SLC4A8: variants seen among roughly 807,000 people sequenced by gnomAD.
The protein encoded by SLC4A8 is solute carrier family 4 member 8.
Under a neutral mutation model 125.0 loss-of-function variants are expected in SLC4A8, and 40 were observed. The ratio of observed to expected loss-of-function variants is 0.32; its 90% CI spans 0.25 to 0.42. The LOEUF (loss-of-function observed/expected upper bound fraction) is 0.42, where lower values mean the gene tolerates loss of function less well. Among genes scored for constraint, SLC4A8 ranks in the 10% least tolerant of loss-of-function variants. The pLI is 1.00. For synonymous variants in SLC4A8, 456 were observed against 476.0 expected (o/e 0.96, Z 0.55); for missense variants, 863 against 1,355.1 (o/e 0.64, Z 5.70).
chr12:51,457,440 C>A lies in SLC4A8; in HGVS notation c.664C>A (p.His222Asn). Residue 222 changes from histidine (H) to asparagine (N), a missense_variant, in exon 6 of 25, where the codon CAT (histidine) becomes AAT (asparagine). By Grantham distance (68) the His-to-Asn change is moderately conservative. Transcript: ENST00000453097. ...GGAAGCCCTTCTCAAAAAGCATCAT[C>A]ATCAGAATGAAAAGAAGAGAAACAA... ...VREALLKKHH[H>N]QNEKKRNNLI... 1 of 1,614,080 alleles carries A rather than the reference C, an allele frequency of 6.2e-7. No homozygotes were observed. Among genetic ancestry groups the A allele is most frequent in the Non-Finnish European group, 8.5e-7 (1 of 1,179,960 alleles).
intron 1 of SLC4A8, among the ~76,000 whole-genome samples, chr12:51,399,133 G>T (rs1237107340): frequency 1.3e-5 from 2 of 152,218 alleles, no homozygotes; most frequent in East Asian, 1.9e-4. Context: ...ACTTTGGATT[G>T]TAAGTAAAGG....
chr12:51,471,216 C>G, intron 13 of SLC4A8, 71 bp from the exon 14 acceptor site: 1 of 1,439,808 alleles, frequency 6.9e-7, no homozygotes, highest in Non-Finnish European at 9.5e-7. Context: ...AATGAATTAA[C>G]CACATTTCTG....
chr12:51,484,568 A>T (rs773868997), intron 16 of SLC4A8, among the ~76,000 whole-genome samples: 17 of 152,182 alleles, frequency 1.1e-4, no homozygotes, highest in Non-Finnish European at 2.4e-4. Context: ...AAAACCATGG[A>T]GGAGGAACTG....
intron 2 of SLC4A8, among the ~76,000 whole-genome samples, chr12:51,450,161 A>G (rs1467445534): frequency 6.6e-6 from 1 of 152,084 alleles, no homozygotes; most frequent in African/African-American, 2.4e-5. Context: ...CCTCCTCATG[A>G]CTTACAACTA....
intron 2 of SLC4A8, among the ~76,000 whole-genome samples, chr12:51,449,333 G>A (rs960184783): frequency 1.3e-5 from 2 of 152,038 alleles, no homozygotes; most frequent in African/African-American, 4.8e-5. Flanking sequence ...AGCTACATGG[G>A]AGGATCACTT....
At chr12:51,483,726 T>C (rs1388299095) in intron 16 of SLC4A8, among the ~76,000 whole-genome samples, 1 of 152,090 alleles carries the variant, frequency 6.6e-6, no homozygotes, top group Non-Finnish European at 1.5e-5. Flanking sequence ...AATGCGAAAA[T>C]TTTAACAGGG....
chr12:51,443,602 A>T (rs1340426733), intron 2 of SLC4A8, among the ~76,000 whole-genome samples: 1 of 152,082 alleles, frequency 6.6e-6, no homozygotes, highest in Non-Finnish European at 1.5e-5. Context: ...ATTATTCCTG[A>T]TTAACTACTA....
In SLC4A8 at chr12:51,493,766, AATTCAGGT is replaced by A; in HGVS notation, c.2767_2769+5del. On this transcript the variant is annotated splice_donor_variant and coding_sequence_variant, in exon 20 of 25. Transcript: ENST00000453097. LOFTEE classifies it high-confidence loss of function. ...ACATGGGAGTTTCTTCACTACAGGGAATTCAGGTATTGTATGGTTCAGCCAGGGCAGTT... is the reference window on the plus strand; with the variant it reads ...ACATGGGAGTTTCTTCACTACAGGGAATTGTATGGTTCAGCCAGGGCAGTT... The A allele has an allele frequency of 6.3e-7, 1 of 1,598,200 alleles. No individual in the cohort carries two copies. Among genetic ancestry groups the A allele is most frequent in the Non-Finnish European group, 8.6e-7 (1 of 1,165,488 alleles).
At chr12:51,474,656 C>T (rs557950401) in intron 15 of SLC4A8, 23 of 836,012 alleles carry the variant, frequency 2.8e-5, no homozygotes, top group South Asian at 4.3e-5. Flanking sequence ...TTTTCTCCCC[C>T]CTACATCCTA....
Position 51,508,387 on chromosome 12 carries a change from T to A in SLC4A8, c.*949T>A, listed in dbSNP as rs1055218007. 4.6e-5 allele frequency: 7 copies of A among 152,642 alleles called. No individual in the cohort carries two copies. Among genetic ancestry groups the A allele is most frequent in the Non-Finnish European group, 1.5e-5 (1 of 68,052 alleles). The allele number at this position is 152,642 out of a possible 1,614,324, so 9.5% of individuals were successfully genotyped here. ...TTTGTGAATAGAAAGGAGGATATGATGTTTTTATTGGCCATTTTGCGGGAC... is the reference window on the plus strand; with the variant it reads ...TTTGTGAATAGAAAGGAGGATATGAAGTTTTTATTGGCCATTTTGCGGGAC... On this transcript the variant is annotated 3_prime_UTR_variant, in exon 25 of 25. Transcript: ENST00000453097.
intron 15 of SLC4A8, 27 bp from the exon 16 acceptor site, chr12:51,475,018 C>A: frequency 6.2e-7 from 1 of 1,606,544 alleles, no homozygotes; most frequent in South Asian, 1.1e-5. Context: ...GTCTGCCTTT[C>A]ATCACCCAGA....
At chr12:51,429,783 A>T (rs1025811506) in intron 1 of SLC4A8, among the ~76,000 whole-genome samples, 15 of 151,980 alleles carry the variant, frequency 9.9e-5, no homozygotes, top group African/African-American at 3.6e-4. Context: ...TGCTGGGATT[A>T]TAGGCATGAC....
chr12:51,508,440 AG>A lies in SLC4A8; in HGVS notation c.*1004del, dbSNP rs3215169. The stretch of plus-strand genomic sequence containing the variant: ...TTCGACTTCTTGCTGCTGTCTCTTG[AG>A]GATACATTCCAATTCCATCCTGGCG... On this transcript the variant is annotated 3_prime_UTR_variant, in exon 25 of 25. Coordinates refer to ENST00000453097, the MANE Select transcript of SLC4A8 (RefSeq NM_001039960.3). 57,115 of 152,410 alleles carry A rather than the reference AG, an allele frequency of 0.37. 11,011 individuals are homozygous for A. Among genetic ancestry groups the A allele is most frequent in the East Asian group, 0.45 (2,321 of 5,164 alleles). The allele number at this position is 152,410 out of a possible 1,614,324, so 9.4% of individuals were successfully genotyped here.
In SLC4A8 at chr12:51,515,535, C is replaced by T. The variant is rs573222439; in HGVS notation, c.*8097C>T. ...ATATTTTTAGTGTAAGAAATGTACC[C>T]TCTCCACACTCCATGATGTAAATAG... On this transcript the variant is annotated 3_prime_UTR_variant, in exon 25 of 25. Coordinates refer to ENST00000453097, the MANE Select transcript of SLC4A8 (RefSeq NM_001039960.3). 6.6e-6 allele frequency: 1 copy of T among 152,216 alleles called. No individual in the cohort carries two copies. Among genetic ancestry groups the T allele is most frequent in the East Asian group, 1.9e-4 (1 of 5,190 alleles). 9.4% of individuals were successfully genotyped at this position (152,216 alleles called of 1,614,324 possible).
chr12:51,457,416 G>A lies in SLC4A8; in HGVS notation c.640G>A (p.Glu214Lys). The A allele has an allele frequency of 6.2e-7, 1 of 1,614,030 alleles. No homozygotes were observed. The highest frequency in any genetic ancestry group is 8.5e-7 in the Non-Finnish European group (1 of 1,179,930). Residue 214 changes from glutamate to lysine, a missense_variant, in exon 6 of 25, where the codon GAA becomes AAA. Glu to Lys is a moderately conservative substitution (Grantham distance 56). Coordinates refer to ENST00000453097, the MANE Select transcript of SLC4A8 (RefSeq NM_001039960.3). ...TGACAGCATGAGGGTTAAAGTGCGGGAAGCCCTTCTCAAAAAGCATCATCA... is the reference window on the plus strand; with the variant it reads ...TGACAGCATGAGGGTTAAAGTGCGGAAAGCCCTTCTCAAAAAGCATCATCA... ...LNDSMRVKVR[E>K]ALLKKHHHQN...
At chr12:51,393,855 C>G (rs1202875709) in intron 1 of SLC4A8, among the ~76,000 whole-genome samples, 2 of 152,162 alleles carry the variant, frequency 1.3e-5, no homozygotes, top group Non-Finnish European at 2.9e-5. Context: ...ATCTGTAGAC[C>G]CTCTGGACTC....
intron 16 of SLC4A8, among the ~76,000 whole-genome samples, chr12:51,483,770 G>T (rs1221030171): frequency 2.0e-5 from 3 of 152,008 alleles, no homozygotes; most frequent in African/African-American, 7.2e-5. Context: ...TTAAGTTCTA[G>T]GGTACATGTG....
At chr12:51,486,095 C>A (rs765893304) in intron 17 of SLC4A8, among the ~76,000 whole-genome samples, 195 bp downstream of exon 17, 1 of 152,112 alleles carries the variant, frequency 6.6e-6, no homozygotes, top group East Asian at 1.9e-4. Flanking sequence ...AGCCAGAGAA[C>A]AGAAAAACCA....
At chr12:51,483,149 G>A (rs1378115680) in intron 16 of SLC4A8, among the ~76,000 whole-genome samples, 2 of 152,142 alleles carry the variant, frequency 1.3e-5, no homozygotes, top group Non-Finnish European at 2.9e-5. Flanking sequence ...GGCCTTGGTG[G>A]AGGCTGAGCC....
Sources: gnomAD v4.1 joint callset for allele counts (sites outside exome capture counted in the v4.1 genomes callset) on GRCh38, gnomAD v4.1.1 for gene constraint, MANE v1.5 for transcripts, NCBI Gene and HGNC (gene_info 2026-07-23, HGNC 2026-07-21) for gene names.